RFX3: variants seen among roughly 807,000 people sequenced by gnomAD.
RFX3 encodes the protein regulatory factor X3.
In RFX3, 14 loss-of-function variants were observed where a neutral mutation model predicts 98.6. That is an observed-to-expected ratio of 0.14 (90% confidence interval 0.09 to 0.22). RFX3 has a LOEUF of 0.22. RFX3 is among the 10% of genes least tolerant of loss of function. RFX3 has a pLI of 1.00. For synonymous variants in RFX3, 383 were observed against 328.4 expected (o/e 1.17, Z -1.80); for missense variants, 639 against 926.9 (o/e 0.69, Z 4.03).
At chr9:3,245,778 C>T (rs1324152810) in intron 15 of RFX3, among the ~76,000 whole-genome samples, 1 of 151,904 alleles carries the variant, frequency 6.6e-6, no homozygotes, top group African/African-American at 2.4e-5. Flanking sequence ...TATTCCAAAC[C>T]ATTTGCTGTG....
At chr9:3,394,215 G>A (rs1458837276) in intron 2 of RFX3, among the ~76,000 whole-genome samples, 1 of 152,074 alleles carries the variant, frequency 6.6e-6, no homozygotes, top group East Asian at 1.9e-4. Flanking sequence ...TGTAATCCCA[G>A]CACTTTGGGA....
intron 12 of RFX3, among the ~76,000 whole-genome samples, 191 bp from the exon 13 acceptor site, chr9:3,263,275 T>C (rs1249848517): frequency 6.6e-6 from 1 of 152,200 alleles, no homozygotes; most frequent in African/African-American, 2.4e-5. Flanking sequence ...ATTTTCCTTC[T>C]GAGTAGGTTG....
chr9:3,284,887 C>T (rs180869120), intron 7 of RFX3, among the ~76,000 whole-genome samples: 100 of 151,718 alleles, frequency 6.6e-4, no homozygotes, highest in Admixed American at 4.8e-3. Flanking sequence ...ATTTATTTTC[C>T]GACTCATGGC....
intron 7 of RFX3, among the ~76,000 whole-genome samples, chr9:3,287,392 T>C (rs189731755): frequency 6.6e-6 from 1 of 152,064 alleles, no homozygotes; most frequent in Admixed American, 6.6e-5. Flanking sequence ...GATTTTTTCA[T>C]TTTGTTTACT....
chr9:3,510,610 T>C (rs926941496), intron 1 of RFX3, among the ~76,000 whole-genome samples: 1 of 152,008 alleles, frequency 6.6e-6, no homozygotes, highest in Non-Finnish European at 1.5e-5. Flanking sequence ...AAAAGCCAAA[T>C]AAAATTATAC....
At chr9:3,230,045 G>A (rs912467440) in intron 15 of RFX3, among the ~76,000 whole-genome samples, 5 of 152,120 alleles carry the variant, frequency 3.3e-5, no homozygotes, top group African/African-American at 1.2e-4. Context: ...AGCCCATCTT[G>A]TTATTTTACA....
intron 2 of RFX3, among the ~76,000 whole-genome samples, chr9:3,379,601 C>T (rs1158843188): frequency 6.6e-6 from 1 of 152,118 alleles, no homozygotes; most frequent in Admixed American, 6.6e-5. Context: ...TGTGGTTATT[C>T]AGCTCATCTA....
chr9:3,440,142 T>A (rs1354800839), intron 1 of RFX3, among the ~76,000 whole-genome samples: 1 of 152,096 alleles, frequency 6.6e-6, no homozygotes, highest in Non-Finnish European at 1.5e-5. Context: ...AACTTGTAGT[T>A]AACATCATAT....
At chr9:3,350,587 T>C (rs1834988792) in intron 2 of RFX3, among the ~76,000 whole-genome samples, 1 of 152,136 alleles carries the variant, frequency 6.6e-6, no homozygotes, top group African/African-American at 2.4e-5. Context: ...AGTTGTAAAC[T>C]TACGTATACA....
chr9:3,280,939 A>G (rs554988571), intron 7 of RFX3, among the ~76,000 whole-genome samples: 61 of 151,932 alleles, frequency 4.0e-4, no homozygotes, highest in African/African-American at 1.4e-3. Context: ...TTAATTTTTA[A>G]CTTTTCTCAA....
At chr9:3,329,010 G>C (rs1181626537) in intron 4 of RFX3, among the ~76,000 whole-genome samples, 1 of 152,160 alleles carries the variant, frequency 6.6e-6, no homozygotes, top group African/African-American at 2.4e-5. Flanking sequence ...CATATGCTTA[G>C]TAGAGGTGAA....
At chr9:3,478,216 T>C (rs1306102792) in intron 1 of RFX3, among the ~76,000 whole-genome samples, 23 of 152,146 alleles carry the variant, frequency 1.5e-4, no homozygotes, top group Admixed American at 1.5e-3. Context: ...ATTTCTCAAT[T>C]TTTGTTAAAA....
chr9:3,522,539 C>G (rs1361081144), intron 1 of RFX3, among the ~76,000 whole-genome samples: 2 of 148,426 alleles, frequency 1.3e-5, no homozygotes, highest in Non-Finnish European at 3.0e-5. Flanking sequence ...TATTACTGTT[C>G]TGGAAAAGTG....
chr9:3,270,854 T>C, intron 10 of RFX3, 149 bp downstream of exon 10: 1 of 1,098,852 alleles, frequency 9.1e-7, no homozygotes, highest in Non-Finnish European at 1.3e-6. Flanking sequence ...AGAGAGCAGT[T>C]CATGGTTTAT....
At position 3,467,137 on chromosome 9, in the gene RFX3, T is replaced by TGTATATACATATATATTATGTATATAC. The variant is rs1564139017; in HGVS notation, c.-9+58609_-9+58610insGTATATACATAATATATATGTATATAC. Among the ~76,000 whole-genome samples, 79 of 142,128 alleles carry TGTATATACATATATATTATGTATATAC rather than the reference T, an allele frequency of 5.6e-4. 1 individual carries two copies. The highest frequency in any genetic ancestry group is 2.1e-3 in the African/African-American group (78 of 37,578). 93.2% of individuals were successfully genotyped at this position (142,128 alleles called of 152,430 possible). ...ATACATACATATATGTAAGTATATATGTATATACATAATATATATGTATAT... is the reference window on the plus strand; with the variant it reads ...ATACATACATATATGTAAGTATATATGTATATACATATATATTATGTATATACGTATATACATAATATATATGTATAT... On this transcript the variant is annotated intron_variant, in intron 1 of 16. Coordinates refer to ENST00000617270, the MANE Select transcript of RFX3 (RefSeq NM_001282116.2).
chr9:3,439,400 C>A (rs1375004614), intron 1 of RFX3, among the ~76,000 whole-genome samples: 1 of 151,716 alleles, frequency 6.6e-6, no homozygotes, highest in Non-Finnish European at 1.5e-5. Context: ...AAATGGTCAA[C>A]AAAACTGATA....
intron 6 of RFX3, among the ~76,000 whole-genome samples, chr9:3,291,657 A>T (rs1827369524): frequency 6.6e-6 from 1 of 152,118 alleles, no homozygotes; most frequent in South Asian, 2.1e-4. Flanking sequence ...TCTGTTGTTA[A>T]TCTTTCGTTA....
chr9:3,340,895 C>T (rs1488802627), intron 3 of RFX3, among the ~76,000 whole-genome samples: 1 of 152,162 alleles, frequency 6.6e-6, no homozygotes, highest in Non-Finnish European at 1.5e-5. Flanking sequence ...CCAGCCATCC[C>T]ATTACTGGGT....
intron 1 of RFX3, among the ~76,000 whole-genome samples, chr9:3,482,180 A>G (rs1849823968): frequency 6.6e-6 from 1 of 152,040 alleles, no homozygotes; most frequent in Non-Finnish European, 1.5e-5. Context: ...ATAAAGATAC[A>G]AAATTTTATT....
Sources: gnomAD v4.1 joint callset for allele counts (sites outside exome capture counted in the v4.1 genomes callset) on GRCh38, gnomAD v4.1.1 for gene constraint, MANE v1.5 for transcripts, NCBI Gene and HGNC (gene_info 2026-07-23, HGNC 2026-07-21) for gene names.